HP1BP3: variants seen among roughly 807,000 people sequenced by gnomAD.
The protein encoded by HP1BP3 is heterochromatin protein 1-binding protein 3.
In HP1BP3, 12 loss-of-function variants were observed where a neutral mutation model predicts 62.5. The ratio of observed to expected loss-of-function variants is 0.19; its 90% CI spans 0.12 to 0.31. The LOEUF (loss-of-function observed/expected upper bound fraction) is 0.31. Among genes scored for constraint, HP1BP3 ranks in the 10% least tolerant of loss-of-function variants. The pLI, the probability that HP1BP3 is intolerant of heterozygous loss-of-function variation, is 1.00. For synonymous variants in HP1BP3, 260 were observed against 237.8 expected (o/e 1.09, Z -0.86); for missense variants, 502 against 651.8 (o/e 0.77, Z 2.50).
intron 11 of HP1BP3, among the ~76,000 whole-genome samples, chr1:20,746,792 G>C (rs1447052377): frequency 6.6e-6 from 1 of 152,148 alleles, no homozygotes; most frequent in Non-Finnish European, 1.5e-5. Flanking sequence ...GAGGCGAGAG[G>C]ACTGCTTGAG....
At chr1:20,755,405 C>T in intron 9 of HP1BP3, 1 of 452,936 alleles carries the variant, frequency 2.2e-6, no homozygotes, top group Non-Finnish European at 4.4e-6. Flanking sequence ...AACCCCATTT[C>T]TACAAAAAAT....
At position 20,740,448 on chromosome 1, in the gene HP1BP3, A is replaced by G. The variant is rs1207580899; in HGVS notation, c.*4349T>C. 6.6e-6 allele frequency among the ~76,000 whole-genome samples: 1 copy of G among 152,254 alleles called. No homozygotes were observed. Among genetic ancestry groups the G allele is most frequent in the East Asian group, 1.9e-4 (1 of 5,206 alleles). On this transcript the variant is annotated 3_prime_UTR_variant, in exon 13 of 13. Transcript: ENST00000438032. ...CAGTTAAAACAGTTAAAAAGCTGAT[A>G]AAATTAAATCATCAAAGGTAGAAAG...
chr1:20,781,457 A>AGGC (rs2057542405), intron 1 of HP1BP3, among the ~76,000 whole-genome samples: 1 of 152,242 alleles, frequency 6.6e-6, no homozygotes, highest in Non-Finnish European at 1.5e-5. Context: ...ATTGAAACAA[A>AGGC]GAGGATGCAT....
Position 20,780,514 on chromosome 1 carries a change from A to G in HP1BP3, c.-74T>C. 9.4e-7 allele frequency: 1 copy of G among 1,067,196 alleles called. No homozygotes were observed. The highest frequency in any genetic ancestry group is 1.5e-6 in the Non-Finnish European group (1 of 687,924). 66.1% of individuals were successfully genotyped at this position (1,067,196 alleles called of 1,614,324 possible). On this transcript the variant is annotated 5_prime_UTR_variant, in exon 2 of 13. Transcript: ENST00000438032. ...CTGTTAACCACAAGGATTTTTCCTA[A>G]TGGTTTCAGTGTGGTGAAGAATCAA...
At position 20,780,159 on chromosome 1, in the gene HP1BP3, TAGA is replaced by T. The variant is rs1472142627; in HGVS notation, c.96+183_96+185del. On this transcript the variant is annotated intron_variant, in intron 2 of 12. Coordinates refer to ENST00000438032, the MANE Select transcript of HP1BP3 (RefSeq NM_001372052.1). ...AATTATAGTTGATTTGCTATAAATT[TAGA>T]AGGTTGGAGGTTTTCTCAGGAATTT... 2.0e-5 allele frequency among the ~76,000 whole-genome samples: 3 copies of T among 152,212 alleles called. No homozygotes were observed. The East Asian group carries it at 5.8e-4, about 29-fold the overall frequency.
At chr1:20,785,288 T>TC (rs2057770098) in intron 1 of HP1BP3, among the ~76,000 whole-genome samples, 1 of 152,270 alleles carries the variant, frequency 6.6e-6, no homozygotes. Context: ...TTAATTTATT[T>TC]CCTCTACATT....
chr1:20,741,286 G>C lies in HP1BP3; in HGVS notation c.*3511C>G, dbSNP rs930155293. ...GGCTGGTGAGTTTCGTTCTCATGAC[G>C]TATCAAGATGGCAAGAGGGTCACAG... On this transcript the variant is annotated 3_prime_UTR_variant, in exon 13 of 13. Coordinates refer to ENST00000438032, the MANE Select transcript of HP1BP3 (RefSeq NM_001372052.1). Among the ~76,000 whole-genome samples, 1 of 152,128 alleles carries C rather than the reference G, an allele frequency of 6.6e-6. No homozygotes were observed. The highest frequency in any genetic ancestry group is 2.4e-5 in the African/African-American group (1 of 41,416).
chr1:20,768,297 T>G (rs1026393886), intron 6 of HP1BP3, among the ~76,000 whole-genome samples: 11 of 152,092 alleles, frequency 7.2e-5, no homozygotes, highest in Non-Finnish European at 1.5e-4. Flanking sequence ...ATACAAAAAA[T>G]TAGCCGGGCG....
chr1:20,786,527 G>C (rs1260548977), intron 1 of HP1BP3: 1 of 152,380 alleles, frequency 6.6e-6, no homozygotes, highest in Non-Finnish European at 1.5e-5. Flanking sequence ...GGACACCGAC[G>C]GATGAGGCTG....
chr1:20,752,948 T>A (rs935955727), intron 9 of HP1BP3, among the ~76,000 whole-genome samples: 5 of 64,168 alleles, frequency 7.8e-5, no homozygotes, highest in African/African-American at 1.9e-4. Context: ...TTGGAACACG[T>A]TTTTTTTTTT....
intron 8 of HP1BP3, among the ~76,000 whole-genome samples, chr1:20,762,480 A>C (rs1303770644): frequency 6.6e-6 from 1 of 152,212 alleles, no homozygotes; most frequent in Non-Finnish European, 1.5e-5. Flanking sequence ...AAAGAAAATA[A>C]ATCTTGGGAT....
Position 20,744,997 on chromosome 1 carries a change from G to C in HP1BP3, c.1462C>G (p.Arg488Gly). ...TTAGGCAAGGGCCTAGCTTTCCCCCGCTGGGCAGCTGAGACTTTAGGTGCA... is the reference window on the plus strand; with the variant it reads ...TTAGGCAAGGGCCTAGCTTTCCCCCCCTGGGCAGCTGAGACTTTAGGTGCA... ...KPAPKVSAAQ[R>G]GKARPLPKKA... Residue 488 changes from arginine to glycine, a missense_variant, in exon 13 of 13, where the codon CGG (arginine) becomes GGG (glycine). Transcript: ENST00000438032. 1.2e-6 allele frequency: 2 copies of C among 1,614,158 alleles called. No individual in the cohort carries two copies. The highest frequency in any genetic ancestry group is 1.7e-6 in the Non-Finnish European group (2 of 1,180,042).
chr1:20,740,633 C>CA lies in HP1BP3; in HGVS notation c.*4163dup, dbSNP rs1355043966. Among the ~76,000 whole-genome samples the CA allele has an allele frequency of 3.9e-5, 6 of 152,174 alleles. No individual in the cohort carries two copies. Among genetic ancestry groups the CA allele is most frequent in the African/African-American group, 1.2e-4 (5 of 41,444 alleles). ...GCCACGAGTTCAAGACCAGCCTGGG[C>CA]AACACAGTGAGGCCCCATCTCTAGA... On this transcript the variant is annotated 3_prime_UTR_variant, in exon 13 of 13. Coordinates refer to ENST00000438032, the MANE Select transcript of HP1BP3 (RefSeq NM_001372052.1).
In HP1BP3 at chr1:20,744,773, T is replaced by C; in HGVS notation, c.*24A>G. The C allele has an allele frequency of 6.4e-7, 1 of 1,569,846 alleles. No individual in the cohort carries two copies. Among genetic ancestry groups the C allele is most frequent in the Non-Finnish European group, 8.6e-7 (1 of 1,159,542 alleles). ...GAAAATAAGATTTTGAATTTCATCA[T>C]GATACCCTTTTTTCCTATAAAATTT... is the stretch of plus-strand genomic sequence containing the variant. On this transcript the variant is annotated 3_prime_UTR_variant, in exon 13 of 13. Coordinates refer to ENST00000438032, the MANE Select transcript of HP1BP3 (RefSeq NM_001372052.1).
At chr1:20,759,169 G>A (rs1304374753) in intron 8 of HP1BP3, among the ~76,000 whole-genome samples, 1 of 152,232 alleles carries the variant, frequency 6.6e-6, no homozygotes, top group East Asian at 1.9e-4. Flanking sequence ...GGGGGGCCGA[G>A]GCCGGCAGAT....
chr1:20,750,320 AAAACAC>A (rs1337901185), intron 9 of HP1BP3: 5 of 92,782 alleles, frequency 5.4e-5, no homozygotes, highest in African/African-American at 1.7e-4. Context: ...GTCTCTACTA[AAAACAC>A]ACACACACAC....
At chr1:20,775,809 G>T in intron 4 of HP1BP3, 1 of 617,962 alleles carries the variant, frequency 1.6e-6, no homozygotes, top group Non-Finnish European at 2.6e-6. Context: ...ATCCCATAAA[G>T]CCTAGGTATG....
At chr1:20,756,492 C>A (rs1444151882) in intron 9 of HP1BP3, among the ~76,000 whole-genome samples, 2 of 151,942 alleles carry the variant, frequency 1.3e-5, no homozygotes, top group African/African-American at 4.8e-5. Context: ...ACCCCTTGAA[C>A]CTGGGAGATA....
chr1:20,744,909 T>C lies in HP1BP3; in HGVS notation c.1550A>G (p.Lys517Arg), dbSNP rs113885497. The C allele has an allele frequency of 2.3e-4, 375 of 1,614,246 alleles. 1 individual carries two copies. In the African/African-American group the frequency reaches 4.0e-3, roughly 17 times the overall value. ...CTTTGAGGAGCCACCACTAGGTTTCTTGATGACTGTGGATGAGGGTCTGGT... is the reference window on the plus strand; with the variant it reads ...CTTTGAGGAGCCACCACTAGGTTTCCTGATGACTGTGGATGAGGGTCTGGT... Reference protein sequence around the residue: ...KKTRPSSTVIKKPSGGSSKKP... With the variant: ...KKTRPSSTVIRKPSGGSSKKP... The change falls in exon 13 of 13, where the codon AAG becomes AGG. Residue 517 changes from lysine to arginine, a missense_variant. Physicochemically the swap from Lys to Arg is conservative, Grantham distance 26. Transcript: ENST00000438032.
Sources: allele counts gnomAD v4.1 joint callset (sites outside exome capture counted in the v4.1 genomes callset), GRCh38; gene constraint gnomAD v4.1.1; transcripts MANE v1.5; gene names NCBI Gene and HGNC (gene_info 2026-07-23, HGNC 2026-07-21).